GRB10: variants seen among roughly 807,000 people sequenced by gnomAD.
GRB10 encodes the protein growth factor receptor-bound protein 10.
GRB10 carries 20 observed loss-of-function variants against 80.9 expected under a neutral mutation model. The observed-to-expected ratio is 0.25, with a 90% confidence interval of 0.17 to 0.36. GRB10 has a LOEUF of 0.36. GRB10 is among the 10% of genes least tolerant of loss of function. The pLI, the probability that GRB10 is intolerant of heterozygous loss-of-function variation, is 1.00. For missense variants in GRB10, 548 were observed against 747.7 expected, an observed-to-expected ratio of 0.73 and a Z score of 3.12; for synonymous variants, 291 against 291.5, an observed-to-expected ratio of 1.00 and a Z score of 0.02.
chr7:50,750,967 A>C (rs1282790859), intron 3 of GRB10, among the ~76,000 whole-genome samples: 1 of 152,174 alleles, frequency 6.6e-6, no homozygotes, highest in Non-Finnish European at 1.5e-5. Flanking sequence ...GGAGTCAATA[A>C]ATAAGGGTAT....
At chr7:50,706,945 C>CA (rs1195663703) in intron 4 of GRB10, among the ~76,000 whole-genome samples, 3 of 152,256 alleles carry the variant, frequency 2.0e-5, no homozygotes, top group African/African-American at 4.8e-5. Flanking sequence ...GACTTGCTTC[C>CA]ACTTCTCCCA....
intron 13 of GRB10, chr7:50,607,212 T>G (rs1585582645): frequency 6.6e-6 from 1 of 152,358 alleles, no homozygotes; most frequent in East Asian, 1.9e-4. Context: ...GCAGGGACTA[T>G]AGTTAATTTT....
intron 4 of GRB10, among the ~76,000 whole-genome samples, chr7:50,719,987 G>A (rs1415614849): frequency 1.3e-5 from 2 of 151,956 alleles, no homozygotes; most frequent in Admixed American, 6.6e-5. Flanking sequence ...TGCTGGGAGC[G>A]GGGCTGAAAT....
chr7:50,611,310 A>C (rs965935385), intron 13 of GRB10, among the ~76,000 whole-genome samples: 1 of 152,210 alleles, frequency 6.6e-6, no homozygotes, highest in Non-Finnish European at 1.5e-5. Context: ...GAGCAATCTC[A>C]TTCTTTCTGG....
Position 50,642,298 on chromosome 7 carries a change from G to A in GRB10, c.505-15320C>T, listed in dbSNP as rs189126038. On this transcript the variant is annotated intron_variant, in intron 7 of 18. Coordinates refer to ENST00000401949, the MANE Select transcript of GRB10 (RefSeq NM_001350814.2). ...AAACTTCACACACACACACACACAC[G>A]CATGCACACACACACACATACAAAC... Among the ~76,000 whole-genome samples the A allele has an allele frequency of 1.3e-3, 192 of 144,822 alleles. 1 individual carries two copies. The highest frequency in any genetic ancestry group is 7.1e-3 in the East Asian group (32 of 4,514).
chr7:50,787,138 G>A (rs1468495812), upstream of GRB10, among the ~76,000 whole-genome samples: 3 of 152,222 alleles, frequency 2.0e-5, no homozygotes, highest in East Asian at 5.8e-4. Flanking sequence ...TACTGATGGA[G>A]CTGAATGGAC....
At chr7:50,655,174 T>C (rs1188557841) in intron 7 of GRB10, among the ~76,000 whole-genome samples, 1 of 152,164 alleles carries the variant, frequency 6.6e-6, no homozygotes, top group African/African-American at 2.4e-5. Context: ...TGAGATTAGC[T>C]GTAGAGATGC....
At chr7:50,766,964 G>C (rs2076401352) in intron 2 of GRB10, among the ~76,000 whole-genome samples, 1 of 152,134 alleles carries the variant, frequency 6.6e-6, no homozygotes, top group Admixed American at 6.5e-5. Context: ...CTACAAACAG[G>C]AATGGTTGGT....
At chr7:50,724,113 A>G (rs1197572688) in intron 4 of GRB10, among the ~76,000 whole-genome samples, 1 of 152,110 alleles carries the variant, frequency 6.6e-6, no homozygotes, top group African/African-American at 2.4e-5. Flanking sequence ...AGGAAATCTC[A>G]CCATGCACAA....
chr7:50,639,535 T>C (rs1383117873), intron 7 of GRB10, among the ~76,000 whole-genome samples: 1 of 151,904 alleles, frequency 6.6e-6, no homozygotes, highest in Non-Finnish European at 1.5e-5. Flanking sequence ...TAGCCGGGCG[T>C]AGTGGCAGGC....
chr7:50,600,997 G>A (rs950293338), intron 17 of GRB10, among the ~76,000 whole-genome samples: 6 of 152,168 alleles, frequency 3.9e-5, no homozygotes, highest in African/African-American at 1.4e-4. Context: ...CCCTCAGTAG[G>A]GGACATTTTA....
intron 2 of GRB10, among the ~76,000 whole-genome samples, chr7:50,767,500 G>A (rs1227788633): frequency 6.6e-6 from 1 of 152,162 alleles, no homozygotes; most frequent in African/African-American, 2.4e-5. Context: ...GGACTTCAGG[G>A]ATGCTCCACA....
chr7:50,745,008 T>C (rs2072635784), intron 3 of GRB10, among the ~76,000 whole-genome samples: 1 of 152,214 alleles, frequency 6.6e-6, no homozygotes, highest in African/African-American at 2.4e-5. Flanking sequence ...GTATATATTT[T>C]AGAGTAACAG....
chr7:50,793,049 G>A (rs1272362245), intron 1 of GRB10: 2 of 142,522 alleles, frequency 1.4e-5, no homozygotes, highest in Non-Finnish European at 3.1e-5. Context: ...CGGAGCCCCC[G>A]GCCCGGAGGC....
intron 10 of GRB10, 128 bp downstream of exon 10, chr7:50,617,943 T>A: frequency 3.5e-6 from 3 of 847,696 alleles, no homozygotes; most frequent in Non-Finnish European, 6.0e-6. Flanking sequence ...CCCCTCCGGC[T>A]TAAGAGCCAA....
intron 3 of GRB10, among the ~76,000 whole-genome samples, chr7:50,742,893 T>G (rs2072153012): frequency 6.6e-6 from 1 of 152,072 alleles, no homozygotes; most frequent in Non-Finnish European, 1.5e-5. Context: ...TCTCACTTCC[T>G]GGGGGCTGGG....
intron 5 of GRB10, among the ~76,000 whole-genome samples, chr7:50,687,077 C>T (rs147186914): frequency 5.9e-5 from 9 of 152,228 alleles, no homozygotes; most frequent in South Asian, 4.2e-4. Flanking sequence ...CATCAGTTTC[C>T]GTCAATCAAG....
intron 1 of GRB10, among the ~76,000 whole-genome samples, chr7:50,781,821 C>G (rs1284769123): frequency 6.6e-6 from 1 of 152,254 alleles, no homozygotes; most frequent in Admixed American, 6.5e-5. Context: ...ACACGAACCC[C>G]ATGCCCACAT....
intron 5 of GRB10, among the ~76,000 whole-genome samples, chr7:50,677,934 C>T (rs1371577584): frequency 3.3e-5 from 5 of 152,182 alleles, no homozygotes; most frequent in Admixed American, 3.3e-4. Context: ...GGCTTTTAAT[C>T]CTGCTTTGGA....
Sources: allele counts gnomAD v4.1 joint callset (sites outside exome capture counted in the v4.1 genomes callset), GRCh38; gene constraint gnomAD v4.1.1; transcripts MANE v1.5; gene names NCBI Gene and HGNC (gene_info 2026-07-23, HGNC 2026-07-21).